FXYD1: variants seen among roughly 807,000 people sequenced by gnomAD.
FXYD1 encodes the protein FXYD domain containing ion transport regulator 1, also known as phospholemman.
A neutral mutation model predicts 17.2 loss-of-function variants in FXYD1; 9 were observed. That is an observed-to-expected ratio of 0.52 (90% confidence interval 0.32 to 0.91). The LOEUF is 0.91. Ranked by LOEUF, FXYD1 falls within the 40% of genes least tolerant of loss-of-function variation. The probability of loss-of-function intolerance (pLI) is 0.04; values close to 1 mark genes in which losing one functional copy is unlikely to be tolerated. For synonymous variants in FXYD1, 55 were observed against 45.8 expected (o/e 1.20, Z -0.81); for missense variants, 113 against 120.6 (o/e 0.94, Z 0.29).
chr19:35,141,399 C>A (rs947980238), intron 4 of FXYD1, 137 bp from the exon 5 acceptor site: 148 of 664,840 alleles, frequency 2.2e-4, no homozygotes, highest in Non-Finnish European at 3.5e-4. Flanking sequence ...TGCCTTGGTT[C>A]CCCGGCCCCC....
rs199797570 is a variant in FXYD1 at position 35,141,160 on chromosome 19, C to A, written c.123C>A (p.Leu41=). ...YDYQSLQIGG[L]VIAGILFILG... is the part of the protein sequence containing the mutation. ...ACCAGTCCCTGCAGATCGGAGGCCT[C>A]GTCATCGCCGGGATCCTCTTCATCC... Residue 41 remains leucine (L), a synonymous_variant, in exon 4 of 8, where the codon CTC becomes CTA. Transcript: ENST00000351325. 122 of 1,611,292 alleles carry A rather than the reference C, an allele frequency of 7.6e-5. No individual in the cohort carries two copies. Among genetic ancestry groups the A allele is most frequent in the Non-Finnish European group, 9.9e-5 (117 of 1,178,006 alleles).
intron 3 of FXYD1, 36 bp downstream of exon 3, chr19:35,140,665 A>C (rs764794839): frequency 1.9e-6 from 3 of 1,598,334 alleles, no homozygotes; most frequent in Non-Finnish European, 2.6e-6. Context: ...CCTGGGGGAG[A>C]GCCTGGCTTT....
intron 2 of FXYD1, 49 bp downstream of exon 2, chr19:35,140,189 C>G (rs200476762): frequency 4.1e-5 from 45 of 1,092,562 alleles, no homozygotes; most frequent in Non-Finnish European, 5.8e-5. Context: ...CCAGGGGTGG[C>G]GGTGGGGACC....
At chr19:35,141,455 C>A (rs766225939) in intron 4 of FXYD1, 81 bp from the exon 5 acceptor site, 1 of 1,209,368 alleles carries the variant, frequency 8.3e-7, no homozygotes, top group Non-Finnish European at 1.2e-6. Flanking sequence ...CCGCCCCTCG[C>A]GAGGGCGAGC....
intron 2 of FXYD1, among the ~76,000 whole-genome samples, 157 bp from the exon 3 acceptor site, chr19:35,140,440 T>A (rs930230648): frequency 1.3e-5 from 2 of 152,026 alleles, no homozygotes; most frequent in Non-Finnish European, 2.9e-5. Flanking sequence ...TCTGGGACAG[T>A]GCAGAGGGGG....
At chr19:35,141,254 A>T (rs373593625) in intron 4 of FXYD1, 48 bp downstream of exon 4, 4 of 784,532 alleles carry the variant, frequency 5.1e-6, no homozygotes, top group African/African-American at 3.2e-5. Flanking sequence ...CCCTGGCCCC[A>T]CCTCTCTCTG....
Position 35,141,197 on chromosome 19 carries a change from A to G in FXYD1, c.160A>G (p.Ile54Val). 6.2e-7 allele frequency: 1 copy of G among 1,600,160 alleles called. No homozygotes were observed. The highest frequency in any genetic ancestry group is 1.1e-5 in the South Asian group (1 of 90,762). ...AGILFILGIL[I>V]VLSRRCRCKF... ...GATCCTCTTCATCCTGGGCATCCTC[A>G]TCGTGCTGAGTGAGTGCCCCTAGCT... Residue 54 changes from isoleucine (I) to valine (V), a missense_variant, in exon 4 of 8, where the codon ATC becomes GTC. Ile to Val is a conservative substitution (Grantham distance 29, BLOSUM62 3). Transcript: ENST00000351325.
chr19:35,140,745 C>A, intron 3 of FXYD1, 116 bp downstream of exon 3: 2 of 827,450 alleles, frequency 2.4e-6, no homozygotes, highest in South Asian at 1.5e-5. Context: ...TTCTCCTTCC[C>A]TCTATTTTGT....
At chr19:35,138,216 T>C (rs1465368344), upstream of FXYD1, 1 of 152,332 alleles carries the variant, frequency 6.6e-6, no homozygotes, top group Non-Finnish European at 1.5e-5. Context: ...TCTCTATCAG[T>C]GTGTCATTCT....
At chr19:35,141,032 T>A (rs906339009) in intron 3 of FXYD1, 100 bp from the exon 4 acceptor site, 5 of 735,320 alleles carry the variant, frequency 6.8e-6, no homozygotes, top group African/African-American at 1.8e-5. Flanking sequence ...CCCTTCTGCC[T>A]GCTGGTCCTT....
At chr19:35,142,815 AG>A (rs1218752535) in intron 7 of FXYD1, 44 bp downstream of exon 7, 4 of 1,491,516 alleles carry the variant, frequency 2.7e-6, no homozygotes, top group Non-Finnish European at 3.7e-6. Context: ...GGAGGGAGGA[AG>A]GAAAGGCGGG....
At position 35,141,198 on chromosome 19, in the gene FXYD1, T is replaced by G. The variant is rs1402638883; in HGVS notation, c.161T>G (p.Ile54Ser). 1.3e-6 allele frequency: 2 copies of G among 1,599,016 alleles called. No individual in the cohort carries two copies. The change falls in exon 4 of 8, where the codon ATC becomes AGC. Residue 54 changes from isoleucine to serine, a missense_variant. Transcript: ENST00000351325. ...AGILFILGILIVLSRRCRCKF... is the reference protein window; with the variant it reads ...AGILFILGILSVLSRRCRCKF... The stretch of plus-strand genomic sequence containing the variant: ...ATCCTCTTCATCCTGGGCATCCTCA[T>G]CGTGCTGAGTGAGTGCCCCTAGCTC...
At chr19:35,140,036 G>C in intron 1 of FXYD1, 40 bp from the exon 2 acceptor site, 1 of 1,590,172 alleles carries the variant, frequency 6.3e-7, no homozygotes, top group African/African-American at 1.3e-5. Context: ...ATGTGGGAGA[G>C]CAAGGGCACA....
rs768750916 is a variant in FXYD1, at chr19:35,140,640, G to A, written c.94+11G>A. On this transcript the variant is annotated intron_variant, in intron 3 of 7. Coordinates refer to ENST00000351325, the MANE Select transcript of FXYD1 (RefSeq NM_021902.4). Reference sequence around the variant, plus strand: ...ACCCGTTCACTTACGGTGAGCGGGGGGTCTAATTTTGAGTCCTGGGGGAGA... The same window carrying A: ...ACCCGTTCACTTACGGTGAGCGGGGAGTCTAATTTTGAGTCCTGGGGGAGA... 3 of 1,612,786 alleles carry A rather than the reference G, an allele frequency of 1.9e-6. No homozygotes were observed. The Admixed American group carries it at 5.0e-5, about 27-fold the overall frequency.
At position 35,140,148 on chromosome 19, in the gene FXYD1, C is replaced by T. The variant is rs1401719662; in HGVS notation, c.61+8C>T. 2.0e-6 allele frequency: 3 copies of T among 1,466,972 alleles called. No homozygotes were observed. The highest frequency in any genetic ancestry group is 2.8e-5 in the African/African-American group (2 of 72,084). 90.9% of individuals were successfully genotyped at this position (1,466,972 alleles called of 1,614,324 possible). On this transcript the variant is annotated splice_region_variant and intron_variant, in intron 2 of 7. Transcript: ENST00000351325. ...TCACCATGGCCAAGGCAGGTGAGTG[C>T]AGGGGAGGCTGCCCGCTACCCACCT...
Position 35,141,210 on chromosome 19 carries a change from A to G in FXYD1, c.169+4A>G. 1 of 1,581,620 alleles carries G rather than the reference A, an allele frequency of 6.3e-7. No homozygotes were observed. ...CTGGGCATCCTCATCGTGCTGAGTG[A>G]GTGCCCCTAGCTCCCGCCCTCTACC... On this transcript the variant is annotated splice_donor_region_variant and intron_variant, in intron 4 of 7. Coordinates refer to ENST00000351325, the MANE Select transcript of FXYD1 (RefSeq NM_021902.4).
chr19:35,141,403 G>A (rs1176929189), intron 4 of FXYD1, 133 bp from the exon 5 acceptor site: 8 of 582,472 alleles, frequency 1.4e-5, no homozygotes, highest in African/African-American at 1.1e-4. Flanking sequence ...TTGGTTCCCC[G>A]GCCCCCGGTC....
At position 35,143,096 on chromosome 19, in the gene FXYD1, A is replaced by G; in HGVS notation, c.*209A>G. ...TCCCTCAGCGCGAAACGCCAGCGCC[A>G]CTGGGCCCCAGCAGGGGGCGCCCCA... On this transcript the variant is annotated 3_prime_UTR_variant, in exon 8 of 8. Transcript: ENST00000351325. The surrounding 1 kb of genome is among the most constrained non-coding windows in gnomAD (Gnocchi z 4.3). 1.9e-6 allele frequency: 1 copy of G among 532,800 alleles called. No individual in the cohort carries two copies. The highest frequency in any genetic ancestry group is 3.3e-6 in the Non-Finnish European group (1 of 304,368). The allele number at this position is 532,800 out of a possible 1,614,324, so 33.0% of individuals were successfully genotyped here.
At chr19:35,140,026 A>G (rs1313272585) in intron 1 of FXYD1, 50 bp from the exon 2 acceptor site, 6 of 1,543,406 alleles carry the variant, frequency 3.9e-6, no homozygotes, top group Non-Finnish European at 5.4e-6. Flanking sequence ...TTCAAGCCCT[A>G]TGTGGGAGAG....
Sources: allele counts gnomAD v4.1 joint callset (sites outside exome capture counted in the v4.1 genomes callset), GRCh38; gene constraint gnomAD v4.1.1; non-coding constraint Gnocchi (gnomAD v3.1); transcripts MANE v1.5; gene names NCBI Gene and HGNC (gene_info 2026-07-23, HGNC 2026-07-21).